The following USP34 variants were observed in gnomAD, a reference collection of about 807,000 sequenced individuals.
The protein encoded by USP34 is ubiquitin specific peptidase 34.
Under a neutral mutation model 460.3 loss-of-function variants are expected in USP34, and 70 were observed. The ratio of observed to expected loss-of-function variants is 0.15; its 90% CI spans 0.13 to 0.19. The LOEUF (loss-of-function observed/expected upper bound fraction) is 0.19, where lower values mean the gene tolerates loss of function less well. Among genes scored for constraint, USP34 ranks in the 10% least tolerant of loss-of-function variants. USP34 has a pLI of 1.00. For synonymous variants in USP34, 1,647 were observed against 1,405.3 expected (o/e 1.17, Z -3.85); for missense variants, 3,985 against 4,236.2 (o/e 0.94, Z 1.65).
chr2:61,376,010 T>C (rs1572981249), intron 8 of USP34, among the ~76,000 whole-genome samples: 1 of 151,922 alleles, frequency 6.6e-6, no homozygotes, highest in African/African-American at 2.4e-5. Flanking sequence ...TATCTCAAAA[T>C]GGGTAAATCT....
chr2:61,416,639 T>A (rs1694202514), intron 2 of USP34, among the ~76,000 whole-genome samples: 1 of 152,206 alleles, frequency 6.6e-6, no homozygotes, highest in Non-Finnish European at 1.5e-5. Flanking sequence ...TACATGATAT[T>A]CCTTTGCAGA....
intron 7 of USP34, 97 bp from the exon 8 acceptor site, chr2:61,378,521 G>A: frequency 2.9e-6 from 2 of 697,790 alleles, no homozygotes; most frequent in Non-Finnish European, 4.9e-6. Flanking sequence ...GACATATGTA[G>A]ATCACAATAA....
At chr2:61,454,293 GTT>G (rs1695368687) in intron 1 of USP34, among the ~76,000 whole-genome samples, 1 of 151,792 alleles carries the variant, frequency 6.6e-6, no homozygotes, top group Admixed American at 6.6e-5. Flanking sequence ...GCTCAGCTAG[GTT>G]TTGTTTTTAG....
intron 14 of USP34, 87 bp downstream of exon 14, chr2:61,348,669 T>C (rs964636219): frequency 6.7e-7 from 1 of 1,491,638 alleles, no homozygotes; most frequent in Admixed American, 2.5e-5. Flanking sequence ...AGCCCAAACA[T>C]GAATTATGTA....
chr2:61,401,630 G>A (rs1208431835), intron 3 of USP34, among the ~76,000 whole-genome samples: 5 of 134,400 alleles, frequency 3.7e-5, no homozygotes, highest in Non-Finnish European at 6.1e-5. Context: ...CTCACTGCAA[G>A]CTCCGCCTCC....
chr2:61,337,522 C>A (rs575292447), intron 18 of USP34, among the ~76,000 whole-genome samples: 1 of 152,042 alleles, frequency 6.6e-6, no homozygotes, highest in Admixed American at 6.6e-5. Flanking sequence ...GACGTGATCA[C>A]GACTCACTGC....
At chr2:61,312,307 T>A (rs2103674744) in intron 25 of USP34, among the ~76,000 whole-genome samples, 1 of 151,020 alleles carries the variant, frequency 6.6e-6, no homozygotes. Flanking sequence ...TAAGAAAAAA[T>A]TTTCAGGGAC....
rs540058314 is a variant in USP34 at position 61,367,203 on chromosome 2, G to A, written c.1251+3118C>T. Among the ~76,000 whole-genome samples, 7 of 152,340 alleles carry A rather than the reference G, an allele frequency of 4.6e-5. No homozygotes were observed. The East Asian group carries it at 1.3e-3, about 29-fold the overall frequency. On this transcript the variant is annotated intron_variant, in intron 10 of 79. Transcript: ENST00000398571. ...ACGTAACATAGAAAGGGCTATTGCAGTGGCCAGACTGTAACTCAAGTACAG... is the reference window on the plus strand; with the variant it reads ...ACGTAACATAGAAAGGGCTATTGCAATGGCCAGACTGTAACTCAAGTACAG...
At chr2:61,209,668 C>T (rs1043687088) in intron 69 of USP34, among the ~76,000 whole-genome samples, 1 of 152,164 alleles carries the variant, frequency 6.6e-6, no homozygotes, top group Admixed American at 6.5e-5. Context: ...GACTATGTTA[C>T]TGGTTTATGT....
chr2:61,440,025 A>C (rs890889487), intron 1 of USP34, among the ~76,000 whole-genome samples: 1 of 152,132 alleles, frequency 6.6e-6, no homozygotes, highest in Non-Finnish European at 1.5e-5. Context: ...GACAAGCTGC[A>C]AGGCCCTGGG....
chr2:61,300,506 G>T (rs1355662064), intron 29 of USP34, among the ~76,000 whole-genome samples: 1 of 146,130 alleles, frequency 6.8e-6, no homozygotes, highest in Non-Finnish European at 1.5e-5. Context: ...ACTCTTAAAA[G>T]ATTACTGAGG....
intron 67 of USP34, among the ~76,000 whole-genome samples, chr2:61,217,679 G>C (rs1239517806): frequency 6.6e-6 from 1 of 152,198 alleles, no homozygotes; most frequent in Non-Finnish European, 1.5e-5. Context: ...AAACCAGCAG[G>C]GCACAGTGGC....
intron 27 of USP34, among the ~76,000 whole-genome samples, chr2:61,307,427 C>A (rs920800386): frequency 2.0e-5 from 3 of 151,466 alleles, no homozygotes; most frequent in African/African-American, 7.3e-5. Flanking sequence ...AACAAACCTG[C>A]GCGTTGTGCA....
In USP34 at chr2:61,206,799, A is replaced by G. The variant is rs1687133110; in HGVS notation, c.9007T>C (p.Ser3003Pro). The G allele has an allele frequency of 6.2e-7, 1 of 1,613,622 alleles. No homozygotes were observed. The highest frequency in any genetic ancestry group is 1.3e-5 in the African/African-American group (1 of 74,908). Residue 3003 changes from serine to proline, a missense_variant, in exon 71 of 80, where the codon TCG (serine) becomes CCG (proline). Around this residue, in one of 14 missense-constraint regions of USP34, gnomAD observed 275 missense variants for 292.7 expected, o/e 0.94. Transcript: ENST00000398571. ...DLVELLSIFLSVLKSTRPYLQ... is the reference protein window; with the variant it reads ...DLVELLSIFLPVLKSTRPYLQ... ...TAAGGGCGTGTAGACTTCAAAACCG[A>G]AAGAAATATTGACAGAAGTTCTACT...
chr2:61,241,808 A>G lies in USP34; in HGVS notation c.6639T>C (p.Tyr2213=). The G allele has an allele frequency of 6.5e-7, 1 of 1,537,000 alleles. No homozygotes were observed. The highest frequency in any genetic ancestry group is 8.8e-7 in the Non-Finnish European group (1 of 1,137,286). Residue 2213 remains tyrosine (Y), a synonymous_variant, in exon 52 of 80, where the codon TAT becomes TAC. Coordinates refer to ENST00000398571, the MANE Select transcript of USP34 (RefSeq NM_014709.4). ...CFGGEMTTKT[Y]DSVTDKFMDF... Reference sequence around the variant, plus strand: ...CCATAAATTTATCTGTAACAGAATCATAGGTCTTGGTCTGTTTAAAAATAC... The same window carrying G: ...CCATAAATTTATCTGTAACAGAATCGTAGGTCTTGGTCTGTTTAAAAATAC...
rs143982496 is a variant in USP34 at position 61,305,197 on chromosome 2, G to A, written c.3818-3743C>T. 6.2e-4 allele frequency among the ~76,000 whole-genome samples: 95 copies of A among 152,076 alleles called. 1 individual carries two copies. In the East Asian group the frequency reaches 0.016, roughly 25 times the overall value. ...CAATTAGCCAGGCGTGGTGGAGTGC[G>A]CCTGTAGTCGCAGCTACTTGGGAGG... is the stretch of plus-strand genomic sequence containing the variant. On this transcript the variant is annotated intron_variant, in intron 27 of 79. Coordinates refer to ENST00000398571, the MANE Select transcript of USP34 (RefSeq NM_014709.4).
At chr2:61,322,474 T>C (rs1690955684) in intron 21 of USP34, among the ~76,000 whole-genome samples, 1 of 152,092 alleles carries the variant, frequency 6.6e-6, no homozygotes, top group Non-Finnish European at 1.5e-5. Context: ...AGTACGAGTA[T>C]GAAAAAAATT....
intron 18 of USP34, among the ~76,000 whole-genome samples, chr2:61,335,952 A>T (rs962523201): frequency 6.6e-6 from 1 of 152,182 alleles, no homozygotes; most frequent in Non-Finnish European, 1.5e-5. Flanking sequence ...AGAGACATTC[A>T]CTGTTGGTCT....
At chr2:61,449,318 A>C (rs1695204874) in intron 1 of USP34, among the ~76,000 whole-genome samples, 1 of 152,122 alleles carries the variant, frequency 6.6e-6, no homozygotes. Flanking sequence ...CAACCTAAAT[A>C]AATAGAAAGA....
Sources: gnomAD v4.1 joint callset for allele counts (sites outside exome capture counted in the v4.1 genomes callset) on GRCh38, gnomAD v4.1.1 for gene constraint, gnomAD v4.1.1 regional missense constraint, MANE v1.5 for transcripts, NCBI Gene and HGNC (gene_info 2026-07-23, HGNC 2026-07-21) for gene names.